KLRC2: variants seen among roughly 807,000 people sequenced by gnomAD.
The protein encoded by KLRC2 is killer cell lectin like receptor C2.
Under a neutral mutation model 25.5 loss-of-function variants are expected in KLRC2, and 10 were observed. The ratio of observed to expected loss-of-function variants is 0.39; its 90% confidence interval spans 0.24 to 0.67. The LOEUF is 0.67. Ranked by LOEUF, KLRC2 falls within the 30% of genes least tolerant of loss-of-function variation. KLRC2 has a pLI of 0.45. For synonymous variants in KLRC2, 48 were observed against 93.3 expected (o/e 0.51, Z 2.80); for missense variants, 170 against 272.8 (o/e 0.62, Z 2.65).
chr12:10,434,172 A>C, intron 3 of KLRC2: 2 of 734,882 alleles, frequency 2.7e-6, no homozygotes, highest in Non-Finnish European at 4.4e-6. Context: ...ACAAACAAAA[A>C]TACACTCTAC....
At position 10,434,682 on chromosome 12, in the gene KLRC2, A is replaced by C. The variant is rs1355007622; in HGVS notation, c.287-152T>G. On this transcript the variant is annotated intron_variant, in intron 2 of 5. Transcript: ENST00000381902. The stretch of plus-strand genomic sequence containing the variant: ...TTTTTCTATAAAAATATATAAAGTA[A>C]TAGACCTTTGAAATAAACATTTTTA... The C allele has an allele frequency of 3.7e-5, 18 of 488,682 alleles. No homozygotes were observed. In the East Asian group the frequency reaches 6.5e-4, roughly 18 times the overall value. 30.3% of individuals were successfully genotyped at this position (488,682 alleles called of 1,614,324 possible).
chr12:10,435,683 C>A, intron 1 of KLRC2, 117 bp downstream of exon 1: 1 of 1,195,866 alleles, frequency 8.4e-7, no homozygotes, highest in Non-Finnish European at 1.2e-6. Context: ...AATTTTAGAT[C>A]CCAATTATGA....
rs1347454694 is a variant in KLRC2 at position 10,433,821 on chromosome 12, A to G, written c.453T>C (p.Ser151=). Residue 151 remains serine, a synonymous_variant, in exon 4 of 6, where the codon AGT becomes AGC. Coordinates refer to ENST00000381902, the MANE Select transcript of KLRC2 (RefSeq NM_002260.4). ...SLLACTSKNS[S]LLSIDNEEEM... ...CTTCTTCATTATCTATAGAAAGCAG[A>G]CTGGAGTTCTTCGAAGTACAGGCCA... The G allele has an allele frequency of 2.6e-6, 4 of 1,550,220 alleles. 1 individual carries two copies.
In KLRC2 at chr12:10,431,067, T is replaced by G; in HGVS notation, c.*50A>C. 1 of 1,277,936 alleles carries G rather than the reference T, an allele frequency of 7.8e-7. No homozygotes were observed. Among genetic ancestry groups the G allele is most frequent in the Non-Finnish European group, 1.1e-6 (1 of 918,894 alleles). The allele number at this position is 1,277,936 out of a possible 1,614,324, so 79.2% of individuals were successfully genotyped here. A position where few individuals can be genotyped will look rare whatever the true frequency, so the allele number is the denominator to read the frequency against. ...TTATGCAATCATAATATTTCTATTT[T>G]AAGAAATATAAAATGTATCTGATGC... is the stretch of plus-strand genomic sequence containing the variant. On this transcript the variant is annotated 3_prime_UTR_variant, in exon 6 of 6. Transcript: ENST00000381902.
Position 10,433,982 on chromosome 12 carries a change from T to C in KLRC2, c.332-40A>G, listed in dbSNP as rs1238611700. The C allele has an allele frequency of 7.9e-6, 12 of 1,520,486 alleles. 1 individual carries two copies. The Admixed American group carries it at 1.3e-4, about 17-fold the overall frequency. 94.2% of individuals were successfully genotyped at this position (1,520,486 alleles called of 1,614,324 possible). On this transcript the variant is annotated intron_variant, in intron 3 of 5. Coordinates refer to ENST00000381902, the MANE Select transcript of KLRC2 (RefSeq NM_002260.4). ...AATTACTATCTAGACCAATATGAATTTTTAAAAATGAAAATTAGTTCACAT... is the reference window on the plus strand; with the variant it reads ...AATTACTATCTAGACCAATATGAATCTTTAAAAATGAAAATTAGTTCACAT...
Position 10,433,712 on chromosome 12 carries a change from C to T in KLRC2, c.483+79G>A, listed in dbSNP as rs1362573191. 22 of 1,346,510 alleles carry T rather than the reference C, an allele frequency of 1.6e-5. 3 individuals carry two copies. In the South Asian group the frequency reaches 2.3e-4, roughly 14 times the overall value. 83.4% of individuals were successfully genotyped at this position (1,346,510 alleles called of 1,614,324 possible). A position where few individuals can be genotyped will look rare whatever the true frequency, so the allele number is the denominator to read the frequency against. On this transcript the variant is annotated intron_variant, in intron 4 of 5. Coordinates refer to ENST00000381902, the MANE Select transcript of KLRC2 (RefSeq NM_002260.4). Reference sequence around the variant, plus strand: ...AATATATGAGATAAATATATGTACACACATATGGATGTTTTCTACAAATGT... The same window carrying T: ...AATATATGAGATAAATATATGTACATACATATGGATGTTTTCTACAAATGT...
chr12:10,431,648 C>A (rs565751277), intron 5 of KLRC2, among the ~76,000 whole-genome samples: 1 of 142,462 alleles, frequency 7.0e-6, no homozygotes, highest in Admixed American at 6.9e-5. Flanking sequence ...TTAATAAAAA[C>A]AAGCACTGCA....
In KLRC2 at chr12:10,433,737, T is replaced by C. The variant is rs573279576; in HGVS notation, c.483+54A>G. ...CACATATGGATGTTTTCTACAAATG[T>C]ATTATTCACTGAAGGAAGCTTTTCA... On this transcript the variant is annotated intron_variant, in intron 4 of 5. Coordinates refer to ENST00000381902, the MANE Select transcript of KLRC2 (RefSeq NM_002260.4). The C allele has an allele frequency of 9.6e-5, 142 of 1,480,300 alleles. 16 individuals carry two copies. In the South Asian group the frequency reaches 1.5e-3, roughly 16 times the overall value. 91.7% of individuals were successfully genotyped at this position (1,480,300 alleles called of 1,614,324 possible). A position where few individuals can be genotyped will look rare whatever the true frequency, so the allele number is the denominator to read the frequency against.
chr12:10,435,543 A>G (rs1400554894), intron 1 of KLRC2, 133 bp from the exon 2 acceptor site: 1 of 1,420,440 alleles, frequency 7.0e-7, no homozygotes, highest in Admixed American at 1.9e-5. Context: ...CTCTAAATCT[A>G]CATCTACTCT....
In KLRC2 at chr12:10,430,973, G is replaced by C; in HGVS notation, c.*144C>G. ...AGGATGTCTGTACTTTAGTAATTGT[G>C]TGCATCCTATTTCAATAATTGATTT... On this transcript the variant is annotated 3_prime_UTR_variant, in exon 6 of 6. Transcript: ENST00000381902. The C allele has an allele frequency of 8.4e-7, 1 of 1,197,574 alleles. No individual in the cohort carries two copies. Among genetic ancestry groups the C allele is most frequent in the South Asian group, 1.7e-5 (1 of 58,922 alleles). 74.2% of individuals were successfully genotyped at this position (1,197,574 alleles called of 1,614,324 possible).
At chr12:10,435,666 A>C in intron 1 of KLRC2, 134 bp downstream of exon 1, 2 of 1,114,708 alleles carry the variant, frequency 1.8e-6, no homozygotes, top group Non-Finnish European at 1.3e-6. Context: ...TTCTGATTTC[A>C]TATTAGAATT....
chr12:10,434,650 A>G (rs1476667501), intron 2 of KLRC2, 120 bp from the exon 3 acceptor site: 1 of 685,760 alleles, frequency 1.5e-6, no homozygotes, highest in East Asian at 3.1e-5. Flanking sequence ...TCTTTAATAA[A>G]ATTAACTTTT....
intron 5 of KLRC2, among the ~76,000 whole-genome samples, chr12:10,431,463 T>C (rs1245703598): frequency 7.0e-6 from 1 of 142,100 alleles, no homozygotes; most frequent in Non-Finnish European, 1.5e-5. Flanking sequence ...GCAGAACCTA[T>C]AGAGAGATTA....
chr12:10,432,610 G>T (rs2460736), intron 4 of KLRC2, among the ~76,000 whole-genome samples: 1 of 139,430 alleles, frequency 7.2e-6, no homozygotes, highest in African/African-American at 2.7e-5. Flanking sequence ...TGGGTTTTCT[G>T]GGTACCACAC....
rs1296303505 is a variant in KLRC2, at chr12:10,431,096, G to A, written c.*21C>T. The A allele has an allele frequency of 2.1e-6, 3 of 1,413,552 alleles. No homozygotes were observed. The East Asian group carries it at 7.3e-5, about 34-fold the overall frequency. 87.6% of individuals were successfully genotyped at this position (1,413,552 alleles called of 1,614,324 possible). A position where few individuals can be genotyped will look rare whatever the true frequency, so the allele number is the denominator to read the frequency against. ...AAATATAAAATGTATCTGATGCACT[G>A]CAAACGCAAATGCTTTACTTCTAAA... On this transcript the variant is annotated 3_prime_UTR_variant, in exon 6 of 6. Transcript: ENST00000381902.
At position 10,433,670 on chromosome 12, in the gene KLRC2, T is replaced by G. The variant is rs1863838261; in HGVS notation, c.483+121A>C. The stretch of plus-strand genomic sequence containing the variant: ...AACATTATTAAGTCAATCAATTGAA[T>G]ATTACATACACTTGAAAATATATGA... On this transcript the variant is annotated intron_variant, in intron 4 of 5. Coordinates refer to ENST00000381902, the MANE Select transcript of KLRC2 (RefSeq NM_002260.4). The G allele has an allele frequency of 2.8e-6, 3 of 1,071,910 alleles. 1 individual carries two copies. Among genetic ancestry groups the G allele is most frequent in the South Asian group, 3.2e-5 (2 of 62,854 alleles). 66.4% of individuals were successfully genotyped at this position (1,071,910 alleles called of 1,614,324 possible).
At position 10,434,945 on chromosome 12, in the gene KLRC2, T is replaced by C. The variant is rs575615680; in HGVS notation, c.286+367A>G. The C allele has an allele frequency of 7.2e-6, 4 of 557,482 alleles. No individual in the cohort carries two copies. In the South Asian group the frequency reaches 7.7e-5, roughly 11 times the overall value. The allele number at this position is 557,482 out of a possible 1,614,324, so 34.5% of individuals were successfully genotyped here. ...GAAAAATTCAGAATAACCATATTAC[T>C]TTTGGTTCCAAATTGTACTAATATC... On this transcript the variant is annotated intron_variant, in intron 2 of 5. Coordinates refer to ENST00000381902, the MANE Select transcript of KLRC2 (RefSeq NM_002260.4).
In KLRC2 at chr12:10,434,165, A is replaced by C. The variant is rs1863844503; in HGVS notation, c.332-223T>G. The C allele has an allele frequency of 5.2e-6, 4 of 773,490 alleles. 1 individual carries two copies. The highest frequency in any genetic ancestry group is 6.6e-5 in the East Asian group (2 of 30,076). The allele number at this position is 773,490 out of a possible 1,614,324, so 47.9% of individuals were successfully genotyped here. A position where few individuals can be genotyped will look rare whatever the true frequency, so the allele number is the denominator to read the frequency against. On this transcript the variant is annotated intron_variant, in intron 3 of 5. Transcript: ENST00000381902. The stretch of plus-strand genomic sequence containing the variant: ...TGTTCCCATATAAAGCAAATGAACA[A>C]ACAAAAATACACTCTACACATGTGT...
intron 5 of KLRC2, 102 bp from the exon 6 acceptor site, chr12:10,431,330 G>A: frequency 2.2e-6 from 3 of 1,388,332 alleles, no homozygotes; most frequent in Non-Finnish European, 3.0e-6. Flanking sequence ...CATGGAAAAG[G>A]GTAATTAAAT....
Sources: allele counts gnomAD v4.1 joint callset (sites outside exome capture counted in the v4.1 genomes callset), GRCh38; gene constraint gnomAD v4.1.1; transcripts MANE v1.5; gene names NCBI Gene and HGNC (gene_info 2026-07-23, HGNC 2026-07-21).